Variants in TRAPPC2 observed in about 807,000 individuals in gnomAD.
TRAPPC2 encodes the protein trafficking protein particle complex subunit 2.
In TRAPPC2, 4 loss-of-function variants were observed where a neutral mutation model predicts 10.0. The observed-to-expected ratio is 0.40, with a 90% CI of 0.20 to 0.92. TRAPPC2 has a LOEUF of 0.92. TRAPPC2 is among the 40% of genes least tolerant of loss of function. The pLI is 0.35. For missense variants in TRAPPC2, 52 were observed against 108.7 expected (o/e 0.48, Z 2.32); for synonymous variants, 36 against 37.3 (o/e 0.97, Z 0.12).
At chrX:13,730,743 A>G (rs2046657488) in intron 2 of TRAPPC2, among the ~76,000 whole-genome samples, 1 of 111,564 alleles carries the variant, frequency 9.0e-6, no homozygotes, top group Admixed American at 9.5e-5. Context: ...AGCCATAAAA[A>G]AGGATGAGTT....
intron 2 of TRAPPC2, among the ~76,000 whole-genome samples, chrX:13,728,954 A>G (rs909339607): frequency 1.8e-5 from 2 of 111,872 alleles, no homozygotes; most frequent in East Asian, 2.8e-4. Context: ...CTATACACCA[A>G]TAATAGACAG....
chrX:13,721,437 G>A (rs1298756230), intron 2 of TRAPPC2: 3 of 112,199 alleles, frequency 2.7e-5, no homozygotes, highest in Non-Finnish European at 3.8e-5. Context: ...TAACATGGGA[G>A]ACCGTATGCA....
rs774136216 is a variant in TRAPPC2, at chrX:13,716,191, G to C, written c.239-102C>G. 4.2e-4 allele frequency: 375 copies of C among 903,454 alleles called. 1 individual carries two copies. Among genetic ancestry groups the C allele is most frequent in the Non-Finnish European group, 5.1e-4 (342 of 666,524 alleles). 74.5% of individuals were successfully genotyped at this position (903,454 alleles called of 1,213,427 possible). On this transcript the variant is annotated intron_variant, in intron 4 of 5. Transcript: ENST00000380579. ...AATTAGTCACATGCAGTGTATTTGT[G>C]ATGGAAAAGTTGAATATATAAACTG...
At chrX:13,716,732 T>C in intron 3 of TRAPPC2, 54 bp from the exon 4 acceptor site, 2 of 1,158,481 alleles carry the variant, frequency 1.7e-6, no homozygotes, top group Non-Finnish European at 2.4e-6. Context: ...GCATCGAGAA[T>C]GCTGACATTT....
chrX:13,722,607 G>A (rs1018907792), intron 2 of TRAPPC2, among the ~76,000 whole-genome samples: 4 of 111,728 alleles, frequency 3.6e-5, no homozygotes, highest in Non-Finnish European at 5.6e-5. Context: ...TCATTGTCTC[G>A]GGAGGGGAAC....
chrX:13,721,252 G>A (rs2046400307), intron 2 of TRAPPC2: 1 of 111,829 alleles, frequency 8.9e-6, no homozygotes, highest in Admixed American at 9.5e-5. Context: ...GCTACTTACT[G>A]GCAGTGTGAC....
At chrX:13,733,470 T>C (rs367758164) in intron 2 of TRAPPC2, among the ~76,000 whole-genome samples, 118 of 112,204 alleles carry the variant, frequency 1.1e-3, no homozygotes, top group African/African-American at 3.7e-3. Flanking sequence ...ACCCATCCTT[T>C]AAAATCCAAC....
chrX:13,720,119 C>T (rs2046376734), intron 2 of TRAPPC2, 137 bp from the exon 3 acceptor site: 1 of 395,156 alleles, frequency 2.5e-6, no homozygotes, highest in Non-Finnish European at 4.1e-6. Flanking sequence ...TGGCAGTTTC[C>T]AGTATACTAG....
At chrX:13,722,337 A>G (rs1484887480) in intron 2 of TRAPPC2, 1 of 110,236 alleles carries the variant, frequency 9.1e-6, no homozygotes, top group African/African-American at 3.3e-5. Flanking sequence ...ATGGGCAAGC[A>G]GCATGGCGCT....
In TRAPPC2 at chrX:13,718,713, A is replaced by G. The variant is rs141798579; in HGVS notation, c.93+1158T>C. 6.7e-4 allele frequency among the ~76,000 whole-genome samples: 75 copies of G among 112,677 alleles called. No individual in the cohort carries two copies. The East Asian group carries it at 0.017, about 26-fold the overall frequency. On this transcript the variant is annotated intron_variant, in intron 3 of 5. Coordinates refer to ENST00000380579, the MANE Select transcript of TRAPPC2 (RefSeq NM_001011658.4). ...AAGGCCTGAATAGTTGAAAAATACC[A>G]TATATTATGCATTACAATTAACTTA...
chrX:13,724,074 T>A (rs187958623), intron 2 of TRAPPC2, among the ~76,000 whole-genome samples: 9 of 111,642 alleles, frequency 8.1e-5, no homozygotes, highest in African/African-American at 2.9e-4. Context: ...AGCCAAGGAA[T>A]GCAGGAGGCC....
chrX:13,723,548 C>T (rs2046473046), intron 2 of TRAPPC2, among the ~76,000 whole-genome samples: 1 of 111,595 alleles, frequency 9.0e-6, no homozygotes, highest in South Asian at 3.7e-4. Flanking sequence ...CTTAGAATTC[C>T]AATATATAAT....
chrX:13,722,218 A>AAAAG (rs1569080563), intron 2 of TRAPPC2: 2 of 98,639 alleles, frequency 2.0e-5, no homozygotes, highest in East Asian at 6.0e-4. Context: ...CAAAAAAAAA[A>AAAAG]AAAAAAAAAA....
chrX:13,724,975 C>T (rs779598922), intron 2 of TRAPPC2, among the ~76,000 whole-genome samples: 41 of 113,347 alleles, frequency 3.6e-4, no homozygotes, highest in Non-Finnish European at 5.1e-4. Context: ...GCAGGTCCCA[C>T]GCCCACGGAG....
chrX:13,734,230 A>G (rs2046754206), intron 1 of TRAPPC2, 45 bp from the exon 2 acceptor site: 4 of 403,779 alleles, frequency 9.9e-6, no homozygotes. Context: ...TACAATGCAC[A>G]GGACAGCCTC....
chrX:13,715,483 T>TA (rs769977311), intron 5 of TRAPPC2: 1 of 113,328 alleles, frequency 8.8e-6, no homozygotes, highest in South Asian at 3.6e-4. Flanking sequence ...AAACAAAACA[T>TA]ACTATTGTTA....
intron 2 of TRAPPC2, among the ~76,000 whole-genome samples, chrX:13,724,039 CT>C (rs1232991554): frequency 9.0e-6 from 1 of 111,517 alleles, no homozygotes; most frequent in Non-Finnish European, 1.9e-5. Context: ...ATCTTGACAG[CT>C]TTGAAAATGA....
intron 3 of TRAPPC2, 86 bp from the exon 4 acceptor site, chrX:13,716,764 G>T: frequency 9.6e-7 from 1 of 1,042,752 alleles, no homozygotes; most frequent in Non-Finnish European, 1.3e-6. Context: ...TTCTATAGAT[G>T]GTTTTCTTGT....
rs1206254494 is a variant in TRAPPC2, at chrX:13,716,633, C to T, written c.139G>A (p.Asp47Asn). The change falls in exon 4 of 6, where the codon GAC becomes AAC. Residue 47 changes from aspartate to asparagine, a missense_variant. By Grantham distance (23) the Asp-to-Asn change is conservative. Transcript: ENST00000380579. ...AGCCACATGTTCTCATCTACGAGGTCGAGAGCAGCATGAGCTATGAACTGG... is the reference window on the plus strand; with the variant it reads ...AGCCACATGTTCTCATCTACGAGGTTGAGAGCAGCATGAGCTATGAACTGG... ...LNQFIAHAAL[D>N]LVDENMWLSN... is the part of the protein sequence containing the mutation. The T allele has an allele frequency of 2.5e-6, 3 of 1,210,044 alleles. No individual in the cohort carries two copies. The highest frequency in any genetic ancestry group is 1.8e-5 in the South Asian group (1 of 56,785).
Sources: gnomAD v4.1 joint callset for allele counts (sites outside exome capture counted in the v4.1 genomes callset) on GRCh38, gnomAD v4.1.1 for gene constraint, MANE v1.5 for transcripts, NCBI Gene and HGNC (gene_info 2026-07-23, HGNC 2026-07-21) for gene names.